The following MCUB variants were observed in gnomAD, a reference collection of about 807,000 sequenced individuals.
MCUB encodes the protein mitochondrial calcium uniporter dominant negative subunit beta, also known as calcium uniporter regulatory subunit MCUb, mitochondrial.
MCUB carries 46 observed loss-of-function variants against 41.4 expected under a neutral mutation model. That is an observed-to-expected ratio of 1.11 (90% CI 0.88 to 1.42). The LOEUF is 1.42. Among genes scored for constraint, MCUB ranks in the 40% most tolerant of loss-of-function variants. The pLI is 0.00. For synonymous variants in MCUB, 148 were observed against 148.2 expected, an observed-to-expected ratio of 1.00 and a Z score of 0.01; for missense variants, 403 against 404.9, an observed-to-expected ratio of 1.00 and a Z score of 0.04.
In MCUB at chr4:109,677,674, C is replaced by T. The variant is rs117022579; in HGVS notation, c.452-4908C>T. Reference sequence around the variant, plus strand: ...AGGACAAGTTCAGCCCCTGCTTGCTCTCTCTCACCCACGTAATGCTTTCTG... The same window carrying T: ...AGGACAAGTTCAGCCCCTGCTTGCTTTCTCTCACCCACGTAATGCTTTCTG... On this transcript the variant is annotated intron_variant, in intron 4 of 7. Transcript: ENST00000394650. Among the ~76,000 whole-genome samples, 1,127 of 152,184 alleles carry T rather than the reference C, an allele frequency of 7.4e-3. 27 individuals are homozygous for T. Among genetic ancestry groups the T allele is most frequent in the South Asian group, 0.059 (286 of 4,812 alleles).
At chr4:109,641,430 G>A (rs78697255) in intron 1 of MCUB, among the ~76,000 whole-genome samples, 2,504 of 152,016 alleles carry the variant, frequency 0.016, 31 homozygotes, top group Non-Finnish European at 0.024. Context: ...AATTAATTAA[G>A]TTCCCCATCC....
intron 1 of MCUB, among the ~76,000 whole-genome samples, chr4:109,636,897 C>T (rs186204924): frequency 6.6e-6 from 1 of 152,284 alleles, no homozygotes; most frequent in East Asian, 1.9e-4. Context: ...ATTGCTTCTG[C>T]AAGGTCAGCA....
intron 1 of MCUB, among the ~76,000 whole-genome samples, chr4:109,625,241 C>G (rs1728337244): frequency 6.6e-6 from 1 of 152,194 alleles, no homozygotes; most frequent in African/African-American, 2.4e-5. Context: ...GCCCCAGTGC[C>G]TTCTCCCAGC....
At chr4:109,635,624 T>A (rs1333830708) in intron 1 of MCUB, among the ~76,000 whole-genome samples, 2 of 152,220 alleles carry the variant, frequency 1.3e-5, no homozygotes, top group Non-Finnish European at 1.5e-5. Flanking sequence ...CTGGCTAATT[T>A]CTGCCCCACT....
intron 1 of MCUB, among the ~76,000 whole-genome samples, chr4:109,560,721 A>T (rs1035858790): frequency 1.3e-5 from 2 of 152,008 alleles, no homozygotes; most frequent in Non-Finnish European, 2.9e-5. Flanking sequence ...GGACCACCAG[A>T]CTTCGGCCTG....
At chr4:109,587,498 A>G (rs193073902) in intron 1 of MCUB, among the ~76,000 whole-genome samples, 5 of 152,340 alleles carry the variant, frequency 3.3e-5, no homozygotes, top group Admixed American at 3.3e-4. Flanking sequence ...GAGATGAGCC[A>G]GGTACCTCAG....
intron 1 of MCUB, among the ~76,000 whole-genome samples, chr4:109,569,091 G>A (rs1726848399): frequency 6.6e-6 from 1 of 152,066 alleles, no homozygotes. Context: ...CTGTCACCCA[G>A]GCTGGAGTGC....
chr4:109,637,206 T>C (rs1263305617), intron 1 of MCUB, among the ~76,000 whole-genome samples: 2 of 152,158 alleles, frequency 1.3e-5, no homozygotes, highest in South Asian at 2.1e-4. Context: ...GAAGGAGATA[T>C]GATCCCAAGC....
chr4:109,635,950 C>T (rs1425988806), intron 1 of MCUB, among the ~76,000 whole-genome samples: 1 of 152,146 alleles, frequency 6.6e-6, no homozygotes, highest in South Asian at 2.1e-4. Context: ...TTGGTTTACA[C>T]TTAGGAGTAG....
intron 1 of MCUB, among the ~76,000 whole-genome samples, chr4:109,658,625 A>T (rs1051202416): frequency 2.6e-5 from 4 of 152,048 alleles, no homozygotes; most frequent in Non-Finnish European, 5.9e-5. Context: ...TAGCCCCAAG[A>T]TGCTCCTGGT....
At chr4:109,584,237 A>T (rs1282249580) in intron 1 of MCUB, among the ~76,000 whole-genome samples, 3 of 152,180 alleles carry the variant, frequency 2.0e-5, no homozygotes, top group Non-Finnish European at 4.4e-5. Flanking sequence ...TTATTTGCAT[A>T]GAGGTGTTTA....
intron 4 of MCUB, among the ~76,000 whole-genome samples, chr4:109,677,802 ATTT>A (rs71595506): frequency 5.6e-3 from 487 of 86,590 alleles, no homozygotes; most frequent in African/African-American, 0.022. Context: ...AAGGAAACAA[ATTT>A]TTTTTTTTTT....
At chr4:109,683,585 T>C (rs1258318446) in intron 5 of MCUB, among the ~76,000 whole-genome samples, 1 of 152,182 alleles carries the variant, frequency 6.6e-6, no homozygotes, top group Non-Finnish European at 1.5e-5. Flanking sequence ...TACAAACAAA[T>C]ACATTCTTAT....
Position 109,660,189 on chromosome 4 carries a change from TA to T in MCUB, c.176-4del. On this transcript the variant is annotated splice_region_variant and splice_polypyrimidine_tract_variant and intron_variant, in intron 2 of 7. Coordinates refer to ENST00000394650, the MANE Select transcript of MCUB (RefSeq NM_017918.5). ...ACTCATTTTTTTTTCTTTTTTTCCTTAACAGAAATAACAGTTATTTATAGAC... is the reference window on the plus strand; with the variant it reads ...ACTCATTTTTTTTTCTTTTTTTCCTTACAGAAATAACAGTTATTTATAGAC... The T allele has an allele frequency of 7.1e-7, 1 of 1,402,366 alleles. No homozygotes were observed. Among genetic ancestry groups the T allele is most frequent in the Non-Finnish European group, 9.7e-7 (1 of 1,035,926 alleles). 86.9% of individuals were successfully genotyped at this position (1,402,366 alleles called of 1,614,324 possible). A position where few individuals can be genotyped will look rare whatever the true frequency, so the allele number is the denominator to read the frequency against.
intron 1 of MCUB, among the ~76,000 whole-genome samples, chr4:109,605,958 T>G (rs1727860480): frequency 6.6e-6 from 1 of 150,886 alleles, no homozygotes; most frequent in Non-Finnish European, 1.5e-5. Context: ...GGGCCTGGGT[T>G]TTTGTTTGTT....
chr4:109,635,271 A>G (rs1728565626), intron 1 of MCUB, among the ~76,000 whole-genome samples: 1 of 152,168 alleles, frequency 6.6e-6, no homozygotes, highest in Non-Finnish European at 1.5e-5. Context: ...ATACGTGTGC[A>G]TGTGTCTTTA....
chr4:109,603,521 G>A (rs181033272), intron 1 of MCUB, among the ~76,000 whole-genome samples: 2,986 of 152,060 alleles, frequency 0.02, 93 homozygotes, highest in African/African-American at 0.062. Context: ...CCGCCACCCC[G>A]TCTAGGAAGT....
intron 1 of MCUB, among the ~76,000 whole-genome samples, chr4:109,612,501 G>T (rs953852895): frequency 1.3e-5 from 2 of 151,912 alleles, no homozygotes; most frequent in African/African-American, 2.4e-5. Flanking sequence ...CCTGACCTCA[G>T]GTGATCTGAC....
intron 1 of MCUB, among the ~76,000 whole-genome samples, chr4:109,639,890 C>A (rs1228961727): frequency 6.6e-6 from 1 of 152,106 alleles, no homozygotes; most frequent in African/African-American, 2.4e-5. Context: ...CCCAACACAG[C>A]GTTATTAGCC....
Sources: allele counts gnomAD v4.1 joint callset (sites outside exome capture counted in the v4.1 genomes callset), GRCh38; gene constraint gnomAD v4.1.1; transcripts MANE v1.5; gene names NCBI Gene and HGNC (gene_info 2026-07-23, HGNC 2026-07-21).